Variants in SDR42E2 observed in about 807,000 individuals in gnomAD.
SDR42E2 encodes short chain dehydrogenase/reductase family 42E, member 2, also known as putative short-chain dehydrogenase/reductase family 42E member 2.
Under a neutral mutation model 10.5 loss-of-function variants are expected in SDR42E2, and 20 were observed. The observed-to-expected ratio is 1.90, with a 90% CI of 1.34 to 2.77. The LOEUF (loss-of-function observed/expected upper bound fraction) is 2.77. SDR42E2 is among the 30% of genes most tolerant of loss of function. The pLI, the probability that SDR42E2 is intolerant of heterozygous loss-of-function variation, is 0.00. For missense variants in SDR42E2, 162 were observed against 104.2 expected (o/e 1.55, Z -2.42); for synonymous variants, 72 against 39.2 (o/e 1.84, Z -3.12).
chr16:22,176,658 A>G (rs546860897), intron 7 of SDR42E2, among the ~76,000 whole-genome samples: 1 of 152,356 alleles, frequency 6.6e-6, no homozygotes, highest in South Asian at 2.1e-4. Context: ...CCTGGGCTCA[A>G]GCAATCCTCC....
chr16:22,187,552 A>G (rs566036234), intron 12 of SDR42E2, among the ~76,000 whole-genome samples: 2 of 150,980 alleles, frequency 1.3e-5, no homozygotes, highest in East Asian at 2.0e-4. Context: ...TGCAGATTGC[A>G]CCACTGTACT....
Position 22,167,010 on chromosome 16 carries a change from C to T in SDR42E2, c.336+11C>T. ...TCCGGGGCTGAGAAGGTGGGCTCCT[C>T]ACACACAACACCTGGAGTTAGACAG... On this transcript the variant is annotated intron_variant, in intron 4 of 12. Coordinates refer to ENST00000602312, the MANE Select transcript of SDR42E2 (RefSeq NM_001394319.2). 1.4e-6 allele frequency: 1 copy of T among 701,970 alleles called. No individual in the cohort carries two copies. The highest frequency in any genetic ancestry group is 2.3e-4 in the Middle Eastern group (1 of 4,368). 43.5% of individuals were successfully genotyped at this position (701,970 alleles called of 1,614,324 possible). A position where few individuals can be genotyped will look rare whatever the true frequency, so the allele number is the denominator to read the frequency against.
At chr16:22,181,417 G>A in intron 8 of SDR42E2, 102 bp from the exon 9 acceptor site, 1 of 679,284 alleles carries the variant, frequency 1.5e-6, no homozygotes, top group East Asian at 2.7e-5. Flanking sequence ...TGGAGCAGAG[G>A]GGCCTGACCT....
At chr16:22,169,545 C>A (rs748848951) in intron 5 of SDR42E2, 43 bp downstream of exon 5, 4 of 703,186 alleles carry the variant, frequency 5.7e-6, no homozygotes, top group Non-Finnish European at 7.8e-6. Context: ...GCCTCTCCCC[C>A]TCTCTCCCTT....
At chr16:22,183,588 G>A (rs1187470565) in intron 10 of SDR42E2, among the ~76,000 whole-genome samples, 1 of 152,208 alleles carries the variant, frequency 6.6e-6, no homozygotes, top group Non-Finnish European at 1.5e-5. Context: ...GAAAACCCAG[G>A]CTAAAGGACA....
intron 2 of SDR42E2, 123 bp from the exon 3 acceptor site, chr16:22,166,127 G>A (rs2046536291): frequency 4.1e-6 from 2 of 484,396 alleles, no homozygotes; most frequent in Admixed American, 4.1e-5. Context: ...CCTGGGCCGG[G>A]AGCTGGATCA....
At chr16:22,180,267 G>A (rs1385295016) in intron 8 of SDR42E2, among the ~76,000 whole-genome samples, 1 of 152,124 alleles carries the variant, frequency 6.6e-6, no homozygotes, top group Admixed American at 6.5e-5. Context: ...GGGCATGGGA[G>A]CACATGCCTA....
rs1422462695 is a variant in SDR42E2, at chr16:22,190,525, G to A, written c.*132G>A. On this transcript the variant is annotated 3_prime_UTR_variant, in exon 13 of 13. Transcript: ENST00000602312. ...GCCTCCGCTCCGCCCCTTGAATCCTGGTCACGCCCCCGAGCCGCTCTCCAG... is the reference window on the plus strand; with the variant it reads ...GCCTCCGCTCCGCCCCTTGAATCCTAGTCACGCCCCCGAGCCGCTCTCCAG... 3 of 398,998 alleles carry A rather than the reference G, an allele frequency of 7.5e-6. No homozygotes were observed. The highest frequency in any genetic ancestry group is 1.3e-5 in the Non-Finnish European group (3 of 226,506). The allele number at this position is 398,998 out of a possible 1,614,324, so 24.7% of individuals were successfully genotyped here.
chr16:22,182,573 C>T (rs2046704563), intron 10 of SDR42E2, among the ~76,000 whole-genome samples: 3 of 152,104 alleles, frequency 2.0e-5, no homozygotes, highest in African/African-American at 4.8e-5. Context: ...GTCTCAAACC[C>T]CTGACCTCAA....
intron 8 of SDR42E2, 91 bp from the exon 9 acceptor site, chr16:22,181,428 G>A: frequency 2.9e-6 from 2 of 691,556 alleles, no homozygotes; most frequent in Non-Finnish European, 5.3e-6. Context: ...GGCCTGACCT[G>A]GAGCTAGAAC....
chr16:22,178,279 G>A (rs2046662711), intron 8 of SDR42E2, 67 bp downstream of exon 8: 1 of 669,584 alleles, frequency 1.5e-6, no homozygotes, highest in African/African-American at 1.8e-5. Flanking sequence ...CACTGGTCGG[G>A]CCCTCCCAGC....
intron 5 of SDR42E2, among the ~76,000 whole-genome samples, chr16:22,170,298 G>A (rs534291241): frequency 1.3e-5 from 2 of 152,294 alleles, no homozygotes; most frequent in African/African-American, 2.4e-5. Flanking sequence ...AAGTTGTGGT[G>A]AGCCGAGATC....
At position 22,180,157 on chromosome 16, in the gene SDR42E2, A is replaced by T. The variant is rs538835061; in HGVS notation, c.673-1362A>T. ...CAGGAAGGGTTTGACAGCCATTGTCAGGACTTCAGCTTCCAGCCTAGCAGG... is the reference window on the plus strand; with the variant it reads ...CAGGAAGGGTTTGACAGCCATTGTCTGGACTTCAGCTTCCAGCCTAGCAGG... On this transcript the variant is annotated intron_variant, in intron 8 of 12. Transcript: ENST00000602312. Among the ~76,000 whole-genome samples, 29 of 152,280 alleles carry T rather than the reference A, an allele frequency of 1.9e-4. No individual in the cohort carries two copies. In the South Asian group the frequency reaches 5.4e-3, roughly 28 times the overall value.
Position 22,190,324 on chromosome 16 carries a change from C to G in SDR42E2, c.1200C>G (p.Leu400=), listed in dbSNP as rs542061994. The change falls in exon 13 of 13, where the codon CTC becomes CTG. Residue 400 remains leucine (L), a synonymous_variant. Transcript: ENST00000602312. ...TGCTGCTCAGGCTGCTGCTGTTCCT[C>G]GGCTTGCTCGCCCTGGCCCTGCACT... is the stretch of plus-strand genomic sequence containing the variant. ...LRLLLRLLLF[L]GLLALALHFL... is the part of the protein sequence containing the mutation. The G allele has an allele frequency of 2.5e-6, 1 of 402,564 alleles. No individual in the cohort carries two copies. The highest frequency in any genetic ancestry group is 4.4e-5 in the Admixed American group (1 of 22,756). 24.9% of individuals were successfully genotyped at this position (402,564 alleles called of 1,614,324 possible).
intron 11 of SDR42E2, among the ~76,000 whole-genome samples, chr16:22,186,458 C>T (rs1170012853): frequency 1.3e-5 from 2 of 152,214 alleles, no homozygotes; most frequent in African/African-American, 4.8e-5. Flanking sequence ...CCGCCCGCCT[C>T]AGCCTCCCAA....
chr16:22,174,361 C>T (rs1404892575), intron 7 of SDR42E2, among the ~76,000 whole-genome samples: 1 of 151,864 alleles, frequency 6.6e-6, no homozygotes, highest in Non-Finnish European at 1.5e-5. Context: ...CCTCAATGTA[C>T]AGGTGAGAAA....
chr16:22,182,675 AT>A (rs1202091795), intron 10 of SDR42E2, among the ~76,000 whole-genome samples: 1 of 151,840 alleles, frequency 6.6e-6, no homozygotes, highest in Non-Finnish European at 1.5e-5. Context: ...GTCCTTTTCG[AT>A]TTCCAAAAAG....
At position 22,166,390 on chromosome 16, in the gene SDR42E2, C is replaced by T. The variant is rs781754917; in HGVS notation, c.196C>T (p.Arg66Cys). ...CACTTCCGTCATTCTGCTTGACCGCCGCAGACCCCAGTGGGAACTGTCCCC... is the reference window on the plus strand; with the variant it reads ...CACTTCCGTCATTCTGCTTGACCGCTGCAGACCCCAGTGGGAACTGTCCCC... Reference protein sequence around the residue: ...SGTSVILLDRRRPQWELSPET... With the variant: ...SGTSVILLDRCRPQWELSPET... Residue 66 changes from arginine to cysteine, a missense_variant, in exon 3 of 13, where the codon CGC (arginine) becomes TGC (cysteine). Coordinates refer to ENST00000602312, the MANE Select transcript of SDR42E2 (RefSeq NM_001394319.2). 1.7e-5 allele frequency: 7 copies of T among 402,798 alleles called. No homozygotes were observed. The highest frequency in any genetic ancestry group is 1.2e-4 in the South Asian group (1 of 8,144). The allele number at this position is 402,798 out of a possible 1,614,324, so 25.0% of individuals were successfully genotyped here.
intron 9 of SDR42E2, among the ~76,000 whole-genome samples, chr16:22,181,978 C>G (rs778804731): frequency 6.6e-6 from 1 of 152,174 alleles, no homozygotes; most frequent in Non-Finnish European, 1.5e-5. Context: ...TATTATCCTC[C>G]CATTTCTCAG....
Sources: gnomAD v4.1 joint callset for allele counts (sites outside exome capture counted in the v4.1 genomes callset) on GRCh38, gnomAD v4.1.1 for gene constraint, MANE v1.5 for transcripts, NCBI Gene and HGNC (gene_info 2026-07-23, HGNC 2026-07-21) for gene names.